Variants in SLC25A25 observed in about 807,000 individuals in gnomAD.
SLC25A25 encodes solute carrier family 25 member 25, also known as mitochondrial adenyl nucleotide antiporter SLC25A25.
Under a neutral mutation model 57.7 loss-of-function variants are expected in SLC25A25, and 32 were observed. The observed-to-expected ratio is 0.55, with a 90% CI of 0.42 to 0.74. The LOEUF (loss-of-function observed/expected upper bound fraction) is 0.74, where lower values mean the gene tolerates loss of function less well. Ranked by LOEUF, SLC25A25 falls within the 30% of genes least tolerant of loss-of-function variation. The pLI, the probability that SLC25A25 is intolerant of heterozygous loss-of-function variation, is 0.00. For missense variants in SLC25A25, 556 were observed against 701.3 expected, an observed-to-expected ratio of 0.79 and a Z score of 2.34; for synonymous variants, 306 against 291.2, an observed-to-expected ratio of 1.05 and a Z score of -0.52.
intron 1 of SLC25A25, among the ~76,000 whole-genome samples, chr9:128,097,911 G>C (rs1833610367): frequency 6.6e-6 from 1 of 152,208 alleles, no homozygotes; most frequent in South Asian, 2.1e-4. Flanking sequence ...GAGCCAGCTA[G>C]AACTGTGCCT....
chr9:128,076,900 G>GA (rs1833028946), intron 1 of SLC25A25, among the ~76,000 whole-genome samples: 1 of 152,184 alleles, frequency 6.6e-6, no homozygotes, highest in Non-Finnish European at 1.5e-5. Flanking sequence ...AAGCTCTCCG[G>GA]AAGCATCCTT....
intron 1 of SLC25A25, among the ~76,000 whole-genome samples, chr9:128,076,011 T>G (rs1181361946): frequency 6.6e-6 from 1 of 152,198 alleles, no homozygotes; most frequent in Non-Finnish European, 1.5e-5. Flanking sequence ...CCCAAAGTGC[T>G]GGGATTACAG....
chr9:128,072,929 C>CTGAG (rs1832937813), intron 1 of SLC25A25, among the ~76,000 whole-genome samples: 1 of 152,182 alleles, frequency 6.6e-6, no homozygotes, highest in Admixed American at 6.5e-5. Context: ...GTCTCTCCAG[C>CTGAG]TGAGGCTTTG....
Position 128,068,414 on chromosome 9 carries a change from TG to T in SLC25A25, c.100del (p.Asp34ThrfsTer68). On this transcript the variant is annotated frameshift_variant, in exon 1 of 11. Transcript: ENST00000373069. LOFTEE classifies it high-confidence loss of function. Reference sequence around the variant, plus strand: ...TCGTCTGCCTCATCGCCGGCGTCCGTGGGGGACCCCTGCGGCGGCGCTATCT... The same window carrying T: ...TCGTCTGCCTCATCGCCGGCGTCCGTGGGGACCCCTGCGGCGGCGCTATCT... Reference protein sequence around the residue: ...ASSSASSPASVGDPCGGAICG... With the variant: ...ASSSASSPASXGDPCGGAICG... The T allele has an allele frequency of 6.4e-7, 1 of 1,562,118 alleles. No homozygotes were observed. The highest frequency in any genetic ancestry group is 8.6e-7 in the Non-Finnish European group (1 of 1,164,152).
rs754116133 is a variant in SLC25A25, at chr9:128,102,451, C to T, written c.594C>T (p.Pro198=). Residue 198 remains proline, a synonymous_variant, in exon 5 of 11, where the codon CCC becomes CCT. Transcript: ENST00000373069. This position sits in a 1 kb window ranked among gnomAD's most constrained non-coding sequence, Gnocchi z 4.1. ...TCCTCCACCCCGTGGAAAACATCCCCGAGATCATCCTCTACTGGAAGCATT... is the reference window on the plus strand; with the variant it reads ...TCCTCCACCCCGTGGAAAACATCCCTGAGATCATCCTCTACTGGAAGCATT... The part of the protein sequence containing the change: ...YHLLHPVENI[P]EIILYWKHST... 1.7e-5 allele frequency: 27 copies of T among 1,613,830 alleles called. No individual in the cohort carries two copies. The highest frequency in any genetic ancestry group is 1.6e-4 in the Middle Eastern group (1 of 6,082).
chr9:128,091,294 G>A (rs1452477559), intron 1 of SLC25A25: 2 of 312,432 alleles, frequency 6.4e-6, no homozygotes, highest in Non-Finnish European at 9.3e-6. Context: ...GCTTGAGTCC[G>A]CACCTCCCTG....
intron 1 of SLC25A25, among the ~76,000 whole-genome samples, chr9:128,097,686 G>A (rs997615040): frequency 1.3e-5 from 2 of 152,348 alleles, no homozygotes; most frequent in East Asian, 1.9e-4. Flanking sequence ...GGACGTGGGC[G>A]TTGAAGACTG....
At chr9:128,106,980 C>A in intron 9 of SLC25A25, 49 bp from the exon 10 acceptor site, 1 of 1,581,848 alleles carries the variant, frequency 6.3e-7, no homozygotes, top group Non-Finnish European at 8.6e-7. Context: ...TCTCTTGCTG[C>A]CTCACTAGCC....
In SLC25A25 at chr9:128,107,076, C is replaced by T; in HGVS notation, c.1260C>T (p.Asp420=). ...AGCACTATGCAGTGAACAGCGCGGA[C>T]CCCGGCGTGTTTGTGCTCCTGGCCT... The part of the protein sequence containing the change: ...WLQHYAVNSA[D]PGVFVLLACG... Residue 420 remains aspartate (D), a synonymous_variant, in exon 10 of 11, where the codon GAC becomes GAT. Transcript: ENST00000373069. 1.9e-6 allele frequency: 3 copies of T among 1,614,140 alleles called. No individual in the cohort carries two copies. The highest frequency in any genetic ancestry group is 2.5e-6 in the Non-Finnish European group (3 of 1,180,026).
Position 128,107,160 on chromosome 9 carries a change from G to A in SLC25A25, c.1344G>A (p.Arg448=). ...QLASYPLALV[R]TRMQAQASIE... ...CCAGCTACCCCCTGGCCCTAGTCAG[G>A]ACCCGGATGCAGGCGCAAGGTAAGG... is the stretch of plus-strand genomic sequence containing the variant. Residue 448 remains arginine (R), a synonymous_variant, in exon 10 of 11, where the codon AGG becomes AGA. Coordinates refer to ENST00000373069, the MANE Select transcript of SLC25A25 (RefSeq NM_001330988.2). 5 of 1,613,922 alleles carry A rather than the reference G, an allele frequency of 3.1e-6. No individual in the cohort carries two copies. The East Asian group carries it at 1.1e-4, about 36-fold the overall frequency.
At chr9:128,083,736 C>T (rs1833213490) in intron 1 of SLC25A25, among the ~76,000 whole-genome samples, 1 of 149,246 alleles carries the variant, frequency 6.7e-6, no homozygotes, top group South Asian at 2.1e-4. Context: ...GCCAGGATGG[C>T]CTCTATCTCC....
At chr9:128,105,158 CTTTTTT>C (rs11351573) in intron 6 of SLC25A25, among the ~76,000 whole-genome samples, 1 of 29,176 alleles carries the variant, frequency 3.4e-5, no homozygotes, top group Non-Finnish European at 5.7e-5. Flanking sequence ...CACTCCCGGC[CTTTTTT>C]TTTTTTTTTT....
At chr9:128,076,322 G>A (rs1833010179) in intron 1 of SLC25A25, among the ~76,000 whole-genome samples, 2 of 151,524 alleles carry the variant, frequency 1.3e-5, no homozygotes. Context: ...GTAGAGACGG[G>A]GTTTTCCTAT....
chr9:128,095,070 G>A lies in SLC25A25; in HGVS notation c.262-6026G>A, dbSNP rs1382397231. ...TGAAGCATCAGGGCTGAAACCCGAG[G>A]CCTGCTTTAGTTCCTCCATAATCTA... On this transcript the variant is annotated intron_variant, in intron 1 of 10. Coordinates refer to ENST00000373069, the MANE Select transcript of SLC25A25 (RefSeq NM_001330988.2). This position sits in a 1 kb window ranked among gnomAD's most constrained non-coding sequence, Gnocchi z 4.4. Among the ~76,000 whole-genome samples, 1 of 152,220 alleles carries A rather than the reference G, an allele frequency of 6.6e-6. No homozygotes were observed. The highest frequency in any genetic ancestry group is 1.5e-5 in the Non-Finnish European group (1 of 68,038).
Position 128,107,459 on chromosome 9 carries a change from C to T in SLC25A25, c.*15C>T. The T allele has an allele frequency of 2.0e-6, 3 of 1,505,146 alleles. No individual in the cohort carries two copies. Among genetic ancestry groups the T allele is most frequent in the Non-Finnish European group, 2.7e-6 (3 of 1,126,542 alleles). The allele number at this position is 1,505,146 out of a possible 1,614,324, so 93.2% of individuals were successfully genotyped here. On this transcript the variant is annotated 3_prime_UTR_variant, in exon 11 of 11. Coordinates refer to ENST00000373069, the MANE Select transcript of SLC25A25 (RefSeq NM_001330988.2). ...AGTCGCGGTGACGGGGGGAGGGCCGCCCGGCAGTGGACTCGCTGATCCTGG... is the reference window on the plus strand; with the variant it reads ...AGTCGCGGTGACGGGGGGAGGGCCGTCCGGCAGTGGACTCGCTGATCCTGG...
At chr9:128,098,525 T>TC (rs749801009) in intron 1 of SLC25A25, 3 of 1,575,036 alleles carry the variant, frequency 1.9e-6, no homozygotes, top group Non-Finnish European at 2.6e-6. Context: ...GGGAACTTGC[T>TC]CCCGGTGGTG....
chr9:128,082,145 A>T (rs1303762388), intron 1 of SLC25A25, among the ~76,000 whole-genome samples: 2 of 152,180 alleles, frequency 1.3e-5, no homozygotes, highest in East Asian at 3.8e-4. Context: ...CATCCACAAG[A>T]CTGAGGGTTT....
intron 1 of SLC25A25, among the ~76,000 whole-genome samples, chr9:128,081,651 G>A (rs560572448): frequency 1.2e-4 from 18 of 152,156 alleles, no homozygotes; most frequent in Middle Eastern, 3.4e-3. Context: ...AAATTAGGCC[G>A]GGCACGGTGG....
intron 1 of SLC25A25, among the ~76,000 whole-genome samples, chr9:128,078,985 G>C (rs935260585): frequency 2.6e-5 from 4 of 152,096 alleles, no homozygotes; most frequent in African/African-American, 4.8e-5. Flanking sequence ...ACAGGAAGCC[G>C]TGACTAAAAT....
Sources: allele counts gnomAD v4.1 joint callset (sites outside exome capture counted in the v4.1 genomes callset), GRCh38; gene constraint gnomAD v4.1.1; non-coding constraint Gnocchi (gnomAD v3.1); transcripts MANE v1.5; gene names NCBI Gene and HGNC (gene_info 2026-07-23, HGNC 2026-07-21).